KLHL6: variants seen among roughly 807,000 people sequenced by gnomAD.
KLHL6 encodes kelch like family member 6.
In KLHL6, 41 loss-of-function variants were observed where a neutral mutation model predicts 58.6. The ratio of observed to expected loss-of-function variants is 0.70; its 90% CI spans 0.55 to 0.91. The LOEUF (loss-of-function observed/expected upper bound fraction) is 0.91. Ranked by LOEUF, KLHL6 falls within the 40% of genes least tolerant of loss-of-function variation. KLHL6 has a pLI of 0.00. For missense variants in KLHL6, 714 were observed against 805.6 expected (o/e 0.89, Z 1.38); for synonymous variants, 338 against 322.7 (o/e 1.05, Z -0.51).
chr3:183,496,732 G>A (rs1560091177), intron 4 of KLHL6, among the ~76,000 whole-genome samples: 1 of 152,214 alleles, frequency 6.6e-6, no homozygotes, highest in Non-Finnish European at 1.5e-5. Flanking sequence ...ATCATGTCCA[G>A]ATGATATTGT....
Position 183,492,454 on chromosome 3 carries a change from G to A in KLHL6, c.1564+40C>T, listed in dbSNP as rs77849540. The A allele has an allele frequency of 2.9e-3, 4,584 of 1,603,928 alleles. 11 individuals carry two copies. The highest frequency in any genetic ancestry group is 3.3e-3 in the Non-Finnish European group (3,868 of 1,170,964). Reference sequence around the variant, plus strand: ...ACGTGCTGCAGCCAGGCGCTCATCAGGTTCTAAGCCATTCAGACCAATAAG... The same window carrying A: ...ACGTGCTGCAGCCAGGCGCTCATCAAGTTCTAAGCCATTCAGACCAATAAG... On this transcript the variant is annotated intron_variant, in intron 6 of 6. Coordinates refer to ENST00000341319, the MANE Select transcript of KLHL6 (RefSeq NM_130446.4). This position sits in a 1 kb window ranked among gnomAD's most constrained non-coding sequence, Gnocchi z 5.9.
chr3:183,515,918 A>C (rs1029022700), intron 2 of KLHL6, among the ~76,000 whole-genome samples: 2 of 152,242 alleles, frequency 1.3e-5, no homozygotes, highest in African/African-American at 4.8e-5. Flanking sequence ...TTAACAAATA[A>C]ATTTTATTTT....
chr3:183,514,574 C>T (rs183659173), intron 2 of KLHL6, among the ~76,000 whole-genome samples: 85 of 152,182 alleles, frequency 5.6e-4, no homozygotes, highest in African/African-American at 1.4e-3. Flanking sequence ...CAGAGAAATC[C>T]CCCTGTAAGT....
chr3:183,524,594 G>C (rs1264835118), intron 2 of KLHL6, among the ~76,000 whole-genome samples: 1 of 152,174 alleles, frequency 6.6e-6, no homozygotes, highest in African/African-American at 2.4e-5. Flanking sequence ...TCATGACGTT[G>C]CCTGGCCTGG....
chr3:183,548,681 C>T (rs1374830950), intron 1 of KLHL6: 1 of 152,220 alleles, frequency 6.6e-6, no homozygotes, highest in East Asian at 1.9e-4. Flanking sequence ...CAAGAGACTA[C>T]TCTTAAGCCA....
At chr3:183,516,605 C>A (rs891446680) in intron 2 of KLHL6, among the ~76,000 whole-genome samples, 1 of 152,234 alleles carries the variant, frequency 6.6e-6, no homozygotes, top group African/African-American at 2.4e-5. Flanking sequence ...TCCTCATCTC[C>A]ACTGCCCCTC....
chr3:183,544,635 A>G (rs1340645219), intron 1 of KLHL6: 1 of 151,996 alleles, frequency 6.6e-6, no homozygotes, highest in Non-Finnish European at 1.5e-5. Flanking sequence ...CCATATCGGG[A>G]AATGCTCTTC....
intron 2 of KLHL6, among the ~76,000 whole-genome samples, chr3:183,515,371 G>A (rs1317245808): frequency 6.6e-6 from 1 of 152,074 alleles, no homozygotes; most frequent in African/African-American, 2.4e-5. Flanking sequence ...AACATAGTGA[G>A]ACCTCGTCTT....
rs1717563183 is a variant in KLHL6 at position 183,491,826 on chromosome 3, C to G, written c.*101G>C. 2.7e-6 allele frequency: 3 copies of G among 1,119,536 alleles called. No individual in the cohort carries two copies. Among genetic ancestry groups the G allele is most frequent in the Non-Finnish European group, 3.6e-6 (3 of 825,222 alleles). 69.4% of individuals were successfully genotyped at this position (1,119,536 alleles called of 1,614,324 possible). A position where few individuals can be genotyped will look rare whatever the true frequency, so the allele number is the denominator to read the frequency against. On this transcript the variant is annotated 3_prime_UTR_variant, in exon 7 of 7. Transcript: ENST00000341319. ...TCAAGGGGATCCCCTGATGTATGGC[C>G]TCAAACTCGAGCCTGCTGCCTGAAG...
chr3:183,532,873 C>A (rs1403065490), intron 1 of KLHL6, among the ~76,000 whole-genome samples: 1 of 152,220 alleles, frequency 6.6e-6, no homozygotes, highest in South Asian at 2.1e-4. Flanking sequence ...ATTTTAAGCA[C>A]ATGTGTTCTC....
At chr3:183,500,431 A>G (rs1717839126) in intron 3 of KLHL6, among the ~76,000 whole-genome samples, 1 of 152,232 alleles carries the variant, frequency 6.6e-6, no homozygotes, top group South Asian at 2.1e-4. Flanking sequence ...AGAAATCCAT[A>G]CTATGGGTAT....
At chr3:183,511,097 A>G (rs923214305) in intron 2 of KLHL6, among the ~76,000 whole-genome samples, 1 of 152,180 alleles carries the variant, frequency 6.6e-6, no homozygotes, top group Non-Finnish European at 1.5e-5. Flanking sequence ...TTCCCTCAGT[A>G]TTTATTGATT....
intron 2 of KLHL6, among the ~76,000 whole-genome samples, chr3:183,516,675 C>T (rs1001299804): frequency 1.3e-5 from 2 of 152,338 alleles, no homozygotes; most frequent in African/African-American, 4.8e-5. Flanking sequence ...ACCCATGTGA[C>T]TCCATGTCTC....
intron 1 of KLHL6, among the ~76,000 whole-genome samples, chr3:183,554,346 T>C (rs1713032710): frequency 6.6e-6 from 1 of 152,216 alleles, no homozygotes; most frequent in African/African-American, 2.4e-5. Flanking sequence ...TACTATATGC[T>C]AGACACTGTG....
At chr3:183,501,049 C>T (rs945831819) in intron 3 of KLHL6, among the ~76,000 whole-genome samples, 1 of 152,216 alleles carries the variant, frequency 6.6e-6, no homozygotes, top group Non-Finnish European at 1.5e-5. Context: ...CCGCATCCTC[C>T]GTTCTTGAGG....
At chr3:183,495,400 T>A (rs1292431213) in intron 4 of KLHL6, among the ~76,000 whole-genome samples, 1 of 152,218 alleles carries the variant, frequency 6.6e-6, no homozygotes, top group East Asian at 1.9e-4. Context: ...AGCTTCCTCT[T>A]CCTTGAATCT....
chr3:183,529,873 T>G (rs1228006855), intron 1 of KLHL6, among the ~76,000 whole-genome samples: 1 of 151,560 alleles, frequency 6.6e-6, no homozygotes, highest in African/African-American at 2.4e-5. Flanking sequence ...TTAAGAAAAA[T>G]GAGGTCATAG....
At chr3:183,503,609 G>C (rs758994957) in intron 3 of KLHL6, among the ~76,000 whole-genome samples, 1 of 152,060 alleles carries the variant, frequency 6.6e-6, no homozygotes, top group Non-Finnish European at 1.5e-5. Flanking sequence ...GAGGAACCCC[G>C]TCTCTATTAA....
rs1398249980 is a variant in KLHL6 at position 183,489,909 on chromosome 3, C to T, written c.*2018G>A. On this transcript the variant is annotated 3_prime_UTR_variant, in exon 7 of 7. Transcript: ENST00000341319. Reference sequence around the variant, plus strand: ...TTCAATTCACTATCAACTCTAATAACTAACTTCCCAAACTGCTGAAAAGAA... The same window carrying T: ...TTCAATTCACTATCAACTCTAATAATTAACTTCCCAAACTGCTGAAAAGAA... The T allele has an allele frequency of 6.6e-6, 1 of 152,178 alleles. No homozygotes were observed. The highest frequency in any genetic ancestry group is 1.5e-5 in the Non-Finnish European group (1 of 68,030). The allele number at this position is 152,178 out of a possible 1,614,324, so 9.4% of individuals were successfully genotyped here.
Sources: allele counts gnomAD v4.1 joint callset (sites outside exome capture counted in the v4.1 genomes callset), GRCh38; gene constraint gnomAD v4.1.1; non-coding constraint Gnocchi (gnomAD v3.1); transcripts MANE v1.5; gene names NCBI Gene and HGNC (gene_info 2026-07-23, HGNC 2026-07-21).